Variants in WNT2B observed in about 807,000 individuals in gnomAD.
The protein encoded by WNT2B is protein Wnt-2b.
In WNT2B, 19 loss-of-function variants were observed where a neutral mutation model predicts 40.5. That is an observed-to-expected ratio of 0.47 (90% CI 0.33 to 0.69). The LOEUF (loss-of-function observed/expected upper bound fraction) is 0.69, where lower values mean the gene tolerates loss of function less well. Ranked by LOEUF, WNT2B falls within the 30% of genes least tolerant of loss-of-function variation. The pLI is 0.02. For synonymous variants in WNT2B, 220 were observed against 211.9 expected (o/e 1.04, Z -0.33); for missense variants, 467 against 556.4 (o/e 0.84, Z 1.62).
chr1:112,498,699 G>A (rs963848013), intron 1 of WNT2B, among the ~76,000 whole-genome samples: 8 of 152,120 alleles, frequency 5.3e-5, no homozygotes, highest in Admixed American at 5.2e-4. Context: ...TTCCATCTGA[G>A]GCCTCATCAG....
rs146289905 is a variant in WNT2B at position 112,521,278 on chromosome 1, T to A, written c.*769T>A. On this transcript the variant is annotated 3_prime_UTR_variant, in exon 5 of 5. Transcript: ENST00000369684. ...ACCCTAGAACACTCCTAGGATAGAT[T>A]AATGTAGTAAGTCTGGCTAGGCCTT... The A allele has an allele frequency of 1.4e-4, 21 of 151,798 alleles. No homozygotes were observed. Among genetic ancestry groups the A allele is most frequent in the African/African-American group, 5.1e-4 (21 of 41,336 alleles). 9.4% of individuals were successfully genotyped at this position (151,798 alleles called of 1,614,324 possible). A position where few individuals can be genotyped will look rare whatever the true frequency, so the allele number is the denominator to read the frequency against.
rs933800468 is a variant in WNT2B, at chr1:112,526,768, A to C, written c.*6259A>C. 10 of 151,736 alleles carry C rather than the reference A, an allele frequency of 6.6e-5. No individual in the cohort carries two copies. The highest frequency in any genetic ancestry group is 6.6e-4 in the Admixed American group (10 of 15,226). 9.4% of individuals were successfully genotyped at this position (151,736 alleles called of 1,614,324 possible). ...AAAAAAAAAAAAGAAGGTATGTATT[A>C]GAATTTTCTTTGAGATTTCACTCCT... On this transcript the variant is annotated 3_prime_UTR_variant, in exon 5 of 5. Coordinates refer to ENST00000369684, the MANE Select transcript of WNT2B (RefSeq NM_024494.3).
At chr1:112,516,480 A>G (rs1655871848) in intron 3 of WNT2B, 63 bp downstream of exon 3, 4 of 1,546,586 alleles carry the variant, frequency 2.6e-6, no homozygotes, top group Admixed American at 1.8e-5. Flanking sequence ...GTGTGTGACC[A>G]TGGACTAAAT....
At position 112,468,010 on chromosome 1, in the gene WNT2B, G is replaced by T. The variant is rs141867281; in HGVS notation, c.-95+419G>T. ...GGTATCTATCATTCTATTCTCTATG[G>T]CCATGAGGTCAAGTTTTTTAGCTCC... On this transcript the variant is annotated intron_variant, in intron 1 of 4. Coordinates refer to the WNT2B transcript ENST00000256640. 4.5e-3 allele frequency among the ~76,000 whole-genome samples: 686 copies of T among 152,116 alleles called. 3 individuals carry two copies. Among genetic ancestry groups the T allele is most frequent in the African/African-American group, 0.016 (654 of 41,482 alleles).
At chr1:112,504,893 A>G (rs532175469), upstream of WNT2B, among the ~76,000 whole-genome samples, 1 of 152,190 alleles carries the variant, frequency 6.6e-6, no homozygotes, top group South Asian at 2.1e-4. Flanking sequence ...AGCCTTCTGG[A>G]GGATAGAGCA....
At chr1:112,488,440 TCTTCCTTACCTG>T (rs1366789358) in intron 1 of WNT2B, among the ~76,000 whole-genome samples, 5 of 13,766 alleles carry the variant, frequency 3.6e-4, no homozygotes, top group Non-Finnish European at 1.3e-3. Flanking sequence ...AGATTGGCCT[TCTTCCTTACCTG>T]CCTTACCTGC....
chr1:112,471,551 T>A (rs1379781765), intron 1 of WNT2B, among the ~76,000 whole-genome samples: 1 of 152,210 alleles, frequency 6.6e-6, no homozygotes, highest in East Asian at 1.9e-4. Flanking sequence ...TTTGAACCCC[T>A]ATCTCAGTTT....
Position 112,521,641 on chromosome 1 carries a change from C to T in WNT2B, c.*1132C>T, listed in dbSNP as rs1284891198. On this transcript the variant is annotated 3_prime_UTR_variant, in exon 5 of 5. Transcript: ENST00000369684. Reference sequence around the variant, plus strand: ...AGGCAGCCTTCCTCCACTTACTCAACAAATCTTTATTTAGTGACTCTCCAA... The same window carrying T: ...AGGCAGCCTTCCTCCACTTACTCAATAAATCTTTATTTAGTGACTCTCCAA... 6.6e-6 allele frequency: 1 copy of T among 152,194 alleles called. No homozygotes were observed. The highest frequency in any genetic ancestry group is 1.5e-5 in the Non-Finnish European group (1 of 68,056). 9.4% of individuals were successfully genotyped at this position (152,194 alleles called of 1,614,324 possible).
intron 1 of WNT2B, among the ~76,000 whole-genome samples, chr1:112,474,185 G>A (rs142662650): frequency 0.012 from 1,842 of 151,996 alleles, 49 homozygotes; most frequent in African/African-American, 0.042. Context: ...TCACTCTGTC[G>A]CCCAGGCTGG....
chr1:112,493,885 C>A (rs542938601), intron 1 of WNT2B, among the ~76,000 whole-genome samples: 1 of 149,792 alleles, frequency 6.7e-6, no homozygotes, highest in African/African-American at 2.5e-5. Context: ...AAACCAACAA[C>A]GACAAAAACA....
chr1:112,516,510 C>G (rs1334603187), intron 3 of WNT2B, 93 bp downstream of exon 3: 2 of 1,479,048 alleles, frequency 1.4e-6, no homozygotes, highest in African/African-American at 2.8e-5. Context: ...GATGGAAGAG[C>G]TGAAGGCTTC....
At chr1:112,484,216 T>C (rs915853914) in intron 1 of WNT2B, among the ~76,000 whole-genome samples, 1 of 143,932 alleles carries the variant, frequency 6.9e-6, no homozygotes, top group African/African-American at 2.6e-5. Flanking sequence ...TATATATATA[T>C]ACACATATAT....
At chr1:112,486,377 T>C (rs1651418226) in intron 1 of WNT2B, among the ~76,000 whole-genome samples, 1 of 151,994 alleles carries the variant, frequency 6.6e-6, no homozygotes, top group Non-Finnish European at 1.5e-5. Context: ...TCAGAGGCAA[T>C]GGTTGCAATG....
At chr1:112,476,276 TG>T (rs907775919) in intron 1 of WNT2B, among the ~76,000 whole-genome samples, 35 of 152,268 alleles carry the variant, frequency 2.3e-4, no homozygotes, top group African/African-American at 8.4e-4. Context: ...TCAATATTTA[TG>T]GGACACAGAT....
intron 1 of WNT2B, among the ~76,000 whole-genome samples, chr1:112,493,292 G>A (rs1651657319): frequency 6.6e-6 from 1 of 152,188 alleles, no homozygotes; most frequent in African/African-American, 2.4e-5. Context: ...TGAGGAAAGA[G>A]GCTCTGCACA....
rs1652232616 is a variant in WNT2B at position 112,508,988 on chromosome 1, T to G, written c.-275T>G. On this transcript the variant is annotated 5_prime_UTR_variant, in exon 1 of 5. Coordinates refer to ENST00000369684, the MANE Select transcript of WNT2B (RefSeq NM_024494.3). The surrounding 1 kb of genome is among the most constrained non-coding windows in gnomAD (Gnocchi z 4.2). ...CCGCACACTAGGCCCGCAGCTCCCT[T>G]CAGCGCCGCAGACCCCCTGACACCG... The G allele has an allele frequency of 7.7e-7, 1 of 1,292,044 alleles. No individual in the cohort carries two copies. Among genetic ancestry groups the G allele is most frequent in the African/African-American group, 1.6e-5 (1 of 63,848 alleles). 80.0% of individuals were successfully genotyped at this position (1,292,044 alleles called of 1,614,324 possible). A position where few individuals can be genotyped will look rare whatever the true frequency, so the allele number is the denominator to read the frequency against.
chr1:112,511,140 C>T (rs914440867), intron 1 of WNT2B, among the ~76,000 whole-genome samples: 69 of 152,190 alleles, frequency 4.5e-4, no homozygotes, highest in African/African-American at 1.6e-3. Context: ...CCATTTTGTA[C>T]TCTTGACTAC....
upstream of WNT2B, among the ~76,000 whole-genome samples, chr1:112,508,539 T>A (rs1288771649): frequency 6.6e-6 from 1 of 152,028 alleles, no homozygotes; most frequent in Admixed American, 6.5e-5. The surrounding 1 kb of genome is among the most constrained non-coding windows in gnomAD (Gnocchi z 4.2). Context: ...CTCTACCCAT[T>A]TCACAGAAGC....
intron 1 of WNT2B, among the ~76,000 whole-genome samples, chr1:112,512,990 A>G (rs1315647686): frequency 6.6e-6 from 1 of 152,226 alleles, no homozygotes; most frequent in Non-Finnish European, 1.5e-5. Context: ...GGGCTGCAGC[A>G]GAATGGATTT....
Sources: allele counts gnomAD v4.1 joint callset (sites outside exome capture counted in the v4.1 genomes callset), GRCh38; gene constraint gnomAD v4.1.1; non-coding constraint Gnocchi (gnomAD v3.1); transcripts MANE v1.5; gene names NCBI Gene and HGNC (gene_info 2026-07-23, HGNC 2026-07-21).